The following FYN variants were observed in gnomAD, a reference collection of about 807,000 sequenced individuals.
The protein encoded by FYN is FYN proto-oncogene, Src family tyrosine kinase, also known as tyrosine-protein kinase Fyn.
In FYN, 10 loss-of-function variants were observed where a neutral mutation model predicts 70.2. That is an observed-to-expected ratio of 0.14 (90% CI 0.09 to 0.24). The LOEUF (loss-of-function observed/expected upper bound fraction) is 0.24, where lower values mean the gene tolerates loss of function less well. Among genes scored for constraint, FYN ranks in the 10% least tolerant of loss-of-function variants. The pLI is 1.00. For synonymous variants in FYN, 236 were observed against 248.6 expected (o/e 0.95, Z 0.48); for missense variants, 319 against 673.1 (o/e 0.47, Z 5.82).
chr6:111,745,202 T>G (rs1284816997), intron 3 of FYN, among the ~76,000 whole-genome samples: 2 of 152,148 alleles, frequency 1.3e-5, no homozygotes, highest in Non-Finnish European at 1.5e-5. Flanking sequence ...ATCCAAGCAG[T>G]GTGCACAAAA....
intron 12 of FYN, among the ~76,000 whole-genome samples, chr6:111,686,746 T>C (rs1399506941): frequency 1.3e-5 from 2 of 152,166 alleles, no homozygotes; most frequent in Non-Finnish European, 2.9e-5. Flanking sequence ...GAACAAGAAA[T>C]TCATGTGCTG....
chr6:111,760,711 A>G (rs1802969791), intron 3 of FYN, among the ~76,000 whole-genome samples: 1 of 152,234 alleles, frequency 6.6e-6, no homozygotes. Context: ...TGGGGAAGTG[A>G]CTGGAGACAT....
At chr6:111,695,613 A>T (rs553856367) in intron 10 of FYN, among the ~76,000 whole-genome samples, 49 of 152,248 alleles carry the variant, frequency 3.2e-4, no homozygotes, top group Non-Finnish European at 6.9e-4. Flanking sequence ...AAGAAAGTAC[A>T]TGGAAAAGAA....
At chr6:111,700,324 A>T in intron 8 of FYN, 56 bp from the exon 9 acceptor site, 1 of 1,580,014 alleles carries the variant, frequency 6.3e-7, no homozygotes, top group Non-Finnish European at 8.7e-7. Context: ...ACATGTAATG[A>T]CAACACTCAT....
intron 9 of FYN, among the ~76,000 whole-genome samples, chr6:111,699,311 C>G (rs1303497518): frequency 6.6e-6 from 1 of 152,116 alleles, no homozygotes; most frequent in Admixed American, 6.6e-5. Flanking sequence ...TCCTGTTCTG[C>G]GGGTGCCTTA....
chr6:111,853,370 T>TC (rs397946720), intron 1 of FYN, among the ~76,000 whole-genome samples: 2 of 151,834 alleles, frequency 1.3e-5, no homozygotes, highest in Admixed American at 6.6e-5. Flanking sequence ...TTTTTTTTTT[T>TC]CATCAATTCA....
intron 2 of FYN, among the ~76,000 whole-genome samples, chr6:111,811,093 A>C (rs1772311114): frequency 6.6e-6 from 1 of 152,208 alleles, no homozygotes. Context: ...TATGTGGCAA[A>C]CATGGCTGTC....
intron 2 of FYN, among the ~76,000 whole-genome samples, chr6:111,840,392 T>C (rs913356983): frequency 6.6e-6 from 1 of 152,082 alleles, no homozygotes; most frequent in Non-Finnish European, 1.5e-5. Flanking sequence ...AGGCAGAGAC[T>C]GGAGTGATGT....
intron 1 of FYN, among the ~76,000 whole-genome samples, chr6:111,855,622 A>T (rs1313144172): frequency 6.6e-6 from 1 of 152,234 alleles, no homozygotes; most frequent in Non-Finnish European, 1.5e-5. Flanking sequence ...CCCCGTCATC[A>T]TCAACTGGGT....
intron 4 of FYN, among the ~76,000 whole-genome samples, chr6:111,717,161 C>G (rs2128459672): frequency 6.6e-6 from 1 of 152,214 alleles, no homozygotes; most frequent in African/African-American, 2.4e-5. Context: ...TTCAAGATAA[C>G]TCTGTAGTTT....
At chr6:111,804,484 A>T (rs114454106) in intron 2 of FYN, among the ~76,000 whole-genome samples, 1,975 of 152,322 alleles carry the variant, frequency 0.013, 32 homozygotes, top group African/African-American at 0.045. Flanking sequence ...TGAATTTTTT[A>T]AAAAATCCAG....
chr6:111,696,277 C>G lies in FYN; in HGVS notation c.1042G>C (p.Gly348Arg). 6.2e-7 allele frequency: 1 copy of G among 1,606,614 alleles called. No homozygotes were observed. The highest frequency in any genetic ancestry group is 8.5e-7 in the Non-Finnish European group (1 of 1,176,138). ...GGAGACAGGAGAGGTGTTGCCCAAC[C>G]TTTGTTCATATACTCGGTGACGATG... ...IYIVTEYMNK[G>R]SLLDFLKDGE... is the part of the protein sequence containing the mutation. Residue 348 changes from glycine to arginine, a missense_variant and splice_region_variant, in exon 10 of 14, where the codon GGA becomes CGA. Gly to Arg is a moderately radical substitution (Grantham distance 125, BLOSUM62 -2). This residue lies in a region of FYN where 15 missense variants were observed against 16.0 expected (regional missense o/e 0.94). Transcript: ENST00000354650.
At chr6:111,732,979 G>A (rs1801540363) in intron 3 of FYN, among the ~76,000 whole-genome samples, 2 of 152,134 alleles carry the variant, frequency 1.3e-5, no homozygotes, top group Admixed American at 1.3e-4. Context: ...GAGGAGATGG[G>A]GGAGGGCATG....
intron 2 of FYN, among the ~76,000 whole-genome samples, chr6:111,831,621 A>C (rs1773019205): frequency 6.6e-6 from 1 of 152,006 alleles, no homozygotes. Flanking sequence ...AATGACTATA[A>C]ATATGTGACA....
intron 13 of FYN, among the ~76,000 whole-genome samples, chr6:111,671,817 T>C (rs1562462133): frequency 6.6e-6 from 1 of 152,176 alleles, no homozygotes; most frequent in Non-Finnish European, 1.5e-5. Context: ...TCTTGTTCCT[T>C]AGGAATTATT....
intron 2 of FYN, among the ~76,000 whole-genome samples, chr6:111,798,955 C>A (rs2128518789): frequency 6.6e-6 from 1 of 152,232 alleles, no homozygotes; most frequent in Admixed American, 6.5e-5. Flanking sequence ...TCAGAATATC[C>A]AGATTAACAA....
Position 111,678,928 on chromosome 6 carries a change from T to A in FYN, c.1274-4298A>T, listed in dbSNP as rs1208149718. 2.6e-5 allele frequency among the ~76,000 whole-genome samples: 4 copies of A among 152,334 alleles called. No individual in the cohort carries two copies. In the East Asian group the frequency reaches 7.7e-4, roughly 29 times the overall value. ...CCATTACATCCTGACCATTTCATGA[T>A]CTTGAATTCACTACCCTTCCTCTAG... On this transcript the variant is annotated intron_variant, in intron 12 of 13. Transcript: ENST00000354650.
intron 3 of FYN, among the ~76,000 whole-genome samples, chr6:111,722,902 C>T (rs556554010): frequency 8.5e-4 from 130 of 152,328 alleles, no homozygotes; most frequent in African/African-American, 3.0e-3. Context: ...ACAGCTGTTT[C>T]CCTTACATGG....
At chr6:111,855,434 A>G (rs1455958232) in intron 1 of FYN, among the ~76,000 whole-genome samples, 3 of 152,238 alleles carry the variant, frequency 2.0e-5, no homozygotes, top group East Asian at 3.8e-4. Context: ...TGTCACATGC[A>G]TAATTCATAA....
Sources: allele counts gnomAD v4.1 joint callset (sites outside exome capture counted in the v4.1 genomes callset), GRCh38; gene constraint gnomAD v4.1.1; regional missense constraint gnomAD v4.1.1; transcripts MANE v1.5; gene names NCBI Gene and HGNC (gene_info 2026-07-23, HGNC 2026-07-21).